Variants in FNIP2 observed in about 807,000 individuals in gnomAD.
FNIP2 encodes folliculin interacting protein 2.
FNIP2 carries 32 observed loss-of-function variants against 108.7 expected under a neutral mutation model. That is an observed-to-expected ratio of 0.29 (90% CI 0.22 to 0.40). The LOEUF (loss-of-function observed/expected upper bound fraction) is 0.40, where lower values mean the gene tolerates loss of function less well. Among genes scored for constraint, FNIP2 ranks in the 10% least tolerant of loss-of-function variants. The pLI, the probability that FNIP2 is intolerant of heterozygous loss-of-function variation, is 1.00. For synonymous variants in FNIP2, 480 were observed against 496.7 expected, an observed-to-expected ratio of 0.97 and a Z score of 0.45; for missense variants, 1,202 against 1,381.6, an observed-to-expected ratio of 0.87 and a Z score of 2.06.
At chr4:158,849,407 G>T (rs1394136890) in intron 7 of FNIP2, among the ~76,000 whole-genome samples, 1 of 152,056 alleles carries the variant, frequency 6.6e-6, no homozygotes, top group Non-Finnish European at 1.5e-5. Context: ...ATATTTTGGG[G>T]TATCATTTTC....
chr4:158,830,438 AT>A (rs373923279), intron 3 of FNIP2, among the ~76,000 whole-genome samples: 360 of 149,994 alleles, frequency 2.4e-3, no homozygotes, highest in African/African-American at 7.0e-3. Context: ...AATTTTTTGT[AT>A]TTTTAGTAGA....
chr4:158,801,035 C>CTTAA (rs1181114059), intron 1 of FNIP2, among the ~76,000 whole-genome samples: 1 of 152,062 alleles, frequency 6.6e-6, no homozygotes, highest in East Asian at 1.9e-4. Flanking sequence ...AATTATTTCC[C>CTTAA]AGGTAGTTCC....
chr4:158,849,858 T>A (rs1344229717), intron 7 of FNIP2, among the ~76,000 whole-genome samples: 1 of 150,968 alleles, frequency 6.6e-6, no homozygotes, highest in Non-Finnish European at 1.5e-5. Context: ...CCTACTGTGG[T>A]CAAGGCACCG....
intron 14 of FNIP2, among the ~76,000 whole-genome samples, chr4:158,884,430 T>C (rs747027093): frequency 1.4e-4 from 21 of 152,176 alleles, no homozygotes; most frequent in Non-Finnish European, 2.4e-4. Flanking sequence ...TGTGATGAAG[T>C]GCCAAAATGA....
intron 1 of FNIP2, among the ~76,000 whole-genome samples, chr4:158,808,894 GTGA>G (rs1424670311): frequency 6.6e-6 from 1 of 152,146 alleles, no homozygotes; most frequent in African/African-American, 2.4e-5. Context: ...GTTGTATTAT[GTGA>G]TGATGGCCAC....
In FNIP2 at chr4:158,784,665, G is replaced by A. The variant is rs146034226; in HGVS notation, c.107+15346G>A. Among the ~76,000 whole-genome samples, 96 of 152,224 alleles carry A rather than the reference G, an allele frequency of 6.3e-4. 2 individuals are homozygous for A. The East Asian group carries it at 0.016, about 25-fold the overall frequency. ...GGAGTGTGCAGCCTAGCTCCCTCGC[G>A]TGCGCAGTTCATAATAGGGTTCGCA... On this transcript the variant is annotated intron_variant, in intron 1 of 16. Transcript: ENST00000264433.
At chr4:158,858,994 C>T (rs1027534238) in intron 8 of FNIP2, 63 bp from the exon 9 acceptor site, 30 of 1,362,396 alleles carry the variant, frequency 2.2e-5, no homozygotes, top group African/African-American at 2.9e-5. Context: ...CCAGTCATTA[C>T]AGTTGACCTT....
chr4:158,860,261 C>T (rs944102398), intron 10 of FNIP2, among the ~76,000 whole-genome samples: 8 of 152,102 alleles, frequency 5.3e-5, no homozygotes, highest in South Asian at 2.1e-4. Context: ...AATGGAATCC[C>T]ACTCCAAAGC....
chr4:158,865,031 C>G (rs536418172), intron 12 of FNIP2, among the ~76,000 whole-genome samples: 2 of 152,074 alleles, frequency 1.3e-5, no homozygotes, highest in Non-Finnish European at 2.9e-5. Context: ...TTCCTGTGAC[C>G]TCTTCTCCTA....
In FNIP2 at chr4:158,769,230, C is replaced by G. The variant is rs367699931; in HGVS notation, c.18C>G (p.Leu6=). The change falls in exon 1 of 17, where the codon CTC becomes CTG. Residue 6 remains leucine, a synonymous_variant. Transcript: ENST00000264433. MAPTL[L]QKLFNKRGSS... Reference sequence around the variant, plus strand: ...GCGGCATCATGGCCCCGACCCTGCTCCAGAAGCTCTTCAACAAAAGGGGCA... The same window carrying G: ...GCGGCATCATGGCCCCGACCCTGCTGCAGAAGCTCTTCAACAAAAGGGGCA... 960 of 1,515,140 alleles carry G rather than the reference C, an allele frequency of 6.3e-4. 2 individuals carry two copies. Among genetic ancestry groups the G allele is most frequent in the Non-Finnish European group, 8.0e-4 (905 of 1,134,750 alleles). 93.9% of individuals were successfully genotyped at this position (1,515,140 alleles called of 1,614,324 possible).
At chr4:158,792,833 G>C (rs1007437883) in intron 1 of FNIP2, among the ~76,000 whole-genome samples, 1 of 152,172 alleles carries the variant, frequency 6.6e-6, no homozygotes, top group Non-Finnish European at 1.5e-5. Context: ...TAAATGGGTG[G>C]CTTCATCCTA....
chr4:158,808,621 T>G (rs1777100441), intron 1 of FNIP2: 1 of 152,098 alleles, frequency 6.6e-6, no homozygotes, highest in Non-Finnish European at 1.5e-5. Flanking sequence ...AACTTGAGGG[T>G]AGAAGTGAAT....
At chr4:158,850,125 A>G (rs1560800022) in intron 7 of FNIP2, among the ~76,000 whole-genome samples, 2 of 152,208 alleles carry the variant, frequency 1.3e-5, no homozygotes, top group African/African-American at 4.8e-5. Context: ...GGTTATTTAC[A>G]TTTGCCTACA....
chr4:158,800,351 C>T (rs757733771), intron 1 of FNIP2, among the ~76,000 whole-genome samples: 60 of 152,066 alleles, frequency 3.9e-4, no homozygotes, highest in Non-Finnish European at 6.6e-4. Flanking sequence ...GTAATGGCTA[C>T]GGCTATATAC....
At chr4:158,771,257 A>G (rs941922177) in intron 1 of FNIP2, among the ~76,000 whole-genome samples, 14 of 152,222 alleles carry the variant, frequency 9.2e-5, no homozygotes, top group African/African-American at 3.4e-4. Context: ...TGGAAAAGAA[A>G]GTAAAGTAGC....
chr4:158,829,286 C>T (rs2126576199), intron 3 of FNIP2, 61 bp downstream of exon 3: 4 of 1,432,024 alleles, frequency 2.8e-6, no homozygotes, highest in South Asian at 2.9e-5. Flanking sequence ...TGTAATTTCT[C>T]CTTGGGAAAT....
rs532049438 is a variant in FNIP2 at position 158,890,274 on chromosome 4, T to C, written c.2950-1172T>C. 1,604 of 984,748 alleles carry C rather than the reference T, an allele frequency of 1.6e-3. 1 individual carries two copies. The highest frequency in any genetic ancestry group is 1.8e-3 in the Non-Finnish European group (1,503 of 829,406). The allele number at this position is 984,748 out of a possible 1,614,324, so 61.0% of individuals were successfully genotyped here. A position where few individuals can be genotyped will look rare whatever the true frequency, so the allele number is the denominator to read the frequency against. Reference sequence around the variant, plus strand: ...GGGTTTATATCTTTTTAAACCCTTATATTTTTATAAACCCTGATAATAGGG... The same window carrying C: ...GGGTTTATATCTTTTTAAACCCTTACATTTTTATAAACCCTGATAATAGGG... On this transcript the variant is annotated intron_variant, in intron 14 of 16. Coordinates refer to ENST00000264433, the MANE Select transcript of FNIP2 (RefSeq NM_020840.3).
chr4:158,868,002 T>C lies in FNIP2; in HGVS notation c.1466-100T>C. The C allele has an allele frequency of 6.8e-7, 1 of 1,468,636 alleles. No individual in the cohort carries two copies. The highest frequency in any genetic ancestry group is 2.5e-4 in the Middle Eastern group (1 of 4,036). The allele number at this position is 1,468,636 out of a possible 1,614,324, so 91.0% of individuals were successfully genotyped here. On this transcript the variant is annotated intron_variant, in intron 12 of 16. Coordinates refer to ENST00000264433, the MANE Select transcript of FNIP2 (RefSeq NM_020840.3). This position sits in a 1 kb window ranked among gnomAD's most constrained non-coding sequence, Gnocchi z 4.6. Reference sequence around the variant, plus strand: ...TGAGTCTGAAGCAGGGACTCCAGATTGGGAATATAAGTTATCTGTTTTGCT... The same window carrying C: ...TGAGTCTGAAGCAGGGACTCCAGATCGGGAATATAAGTTATCTGTTTTGCT...
intron 6 of FNIP2, chr4:158,834,620 C>T (rs1400886126): frequency 6.6e-6 from 1 of 152,028 alleles, no homozygotes; most frequent in Non-Finnish European, 1.5e-5. Context: ...AATAAACATG[C>T]TTCAAAAAAA....
Sources: allele counts gnomAD v4.1 joint callset (sites outside exome capture counted in the v4.1 genomes callset), GRCh38; gene constraint gnomAD v4.1.1; non-coding constraint Gnocchi (gnomAD v3.1); transcripts MANE v1.5; gene names NCBI Gene and HGNC (gene_info 2026-07-23, HGNC 2026-07-21).